SLC16A4: variants seen among roughly 807,000 people sequenced by gnomAD.
The protein encoded by SLC16A4 is probable monocarboxylate transporter 5.
SLC16A4 carries 39 observed loss-of-function variants against 47.9 expected under a neutral mutation model. The ratio of observed to expected loss-of-function variants is 0.81; its 90% CI spans 0.63 to 1.06. SLC16A4 has a LOEUF of 1.06. Among genes scored for constraint, SLC16A4 ranks in the 50% least tolerant of loss-of-function variants. SLC16A4 has a pLI of 0.00. For synonymous variants in SLC16A4, 189 were observed against 199.9 expected (o/e 0.95, Z 0.46); for missense variants, 524 against 573.8 (o/e 0.91, Z 0.89).
At chr1:110,364,461 G>C (rs569229553) in intron 8 of SLC16A4, among the ~76,000 whole-genome samples, 3 of 151,142 alleles carry the variant, frequency 2.0e-5, no homozygotes, top group African/African-American at 7.3e-5. Flanking sequence ...TGATCACGTG[G>C]GTTAAACAAT....
chr1:110,375,601 A>G (rs1345734621), intron 7 of SLC16A4, 50 bp from the exon 8 acceptor site: 3 of 999,514 alleles, frequency 3.0e-6, no homozygotes, highest in Non-Finnish European at 3.2e-6. Context: ...GAAATTCTAT[A>G]GAGACCTATG....
intron 8 of SLC16A4, among the ~76,000 whole-genome samples, chr1:110,373,253 A>G (rs1025278147): frequency 5.3e-5 from 8 of 152,170 alleles, no homozygotes; most frequent in African/African-American, 4.8e-5. Context: ...AAGATATTCT[A>G]TGCCCTTGTA....
In SLC16A4 at chr1:110,378,899, T is replaced by TA; in HGVS notation, c.983_984insT (p.Leu329ThrfsTer4). The TA allele has an allele frequency of 6.2e-7, 1 of 1,614,092 alleles. No homozygotes were observed. Among genetic ancestry groups the TA allele is most frequent in the African/African-American group, 1.3e-5 (1 of 75,034 alleles). On this transcript the variant is annotated frameshift_variant, in exon 6 of 9. Coordinates refer to ENST00000369779, the MANE Select transcript of SLC16A4 (RefSeq NM_004696.3). LOFTEE classifies it high-confidence loss of function. ...AGGCATCCATGATGTCAATCCCCAG[T>TA]GTTTTGGCTCTGGCTACCAGGTGAA... is the stretch of plus-strand genomic sequence containing the variant.
chr1:110,363,108 TTTAAA>T lies in SLC16A4; in HGVS notation c.*653_*657del, dbSNP rs1661166631. On this transcript the variant is annotated 3_prime_UTR_variant, in exon 9 of 9. Transcript: ENST00000369779. The stretch of plus-strand genomic sequence containing the variant: ...AATCAATGGCTATGTTTCACACTTC[TTTAAA>T]TTAAAAAATTTTCTATCTTTACATA... 1 of 152,254 alleles carries T rather than the reference TTTAAA, an allele frequency of 6.6e-6. No individual in the cohort carries two copies. The highest frequency in any genetic ancestry group is 2.4e-5 in the African/African-American group (1 of 41,466). 9.4% of individuals were successfully genotyped at this position (152,254 alleles called of 1,614,324 possible). A position where few individuals can be genotyped will look rare whatever the true frequency, so the allele number is the denominator to read the frequency against.
rs774262892 is a variant in SLC16A4 at position 110,377,081 on chromosome 1, ACT to A, written c.1109_1110del (p.Lys370IlefsTer10). The A allele has an allele frequency of 2.5e-6, 4 of 1,614,022 alleles. No individual in the cohort carries two copies. In the African/African-American group the frequency reaches 5.3e-5, roughly 22 times the overall value. On this transcript the variant is annotated frameshift_variant, in exon 7 of 9. Transcript: ENST00000369779. LOFTEE classifies it high-confidence loss of function. ...QNWIKKYHYH[K>X]SYLILCGITN... ...GTGATGCCGCAGAGGATGAGGTAAG[ACT>A]TGTGGTAATGATACTTCTTAATCCA...
intron 6 of SLC16A4, 47 bp downstream of exon 6, chr1:110,378,806 A>C (rs768448917): frequency 6.5e-7 from 1 of 1,532,094 alleles, no homozygotes; most frequent in South Asian, 1.3e-5. Context: ...TTGTAAAATT[A>C]AGTTGATCTT....
Position 110,363,580 on chromosome 1 carries a change from T to C in SLC16A4, c.*186A>G, listed in dbSNP as rs1159440877. ...GGCGGAGATTACAGTGAGCCGAGAT[T>C]GCGCCACTGCACTCCAGCCTGGGCG... On this transcript the variant is annotated 3_prime_UTR_variant, in exon 9 of 9. Transcript: ENST00000369779. 3 of 405,488 alleles carry C rather than the reference T, an allele frequency of 7.4e-6. No homozygotes were observed. The highest frequency in any genetic ancestry group is 4.3e-5 in the African/African-American group (2 of 46,424). The allele number at this position is 405,488 out of a possible 1,614,324, so 25.1% of individuals were successfully genotyped here. A position where few individuals can be genotyped will look rare whatever the true frequency, so the allele number is the denominator to read the frequency against.
At position 110,375,492 on chromosome 1, in the gene SLC16A4, A is replaced by G. The variant is rs894731634; in HGVS notation, c.1302T>C (p.Ala434=). The G allele has an allele frequency of 9.3e-6, 15 of 1,613,174 alleles. No individual in the cohort carries two copies. In the East Asian group the frequency reaches 3.1e-4, roughly 34 times the overall value. ...NRFLGLASFF[A]GMAVLSGPPI... is the part of the protein sequence containing the mutation. Reference sequence around the variant, plus strand: ...GTGGTCCAGAAAGGACAGCCATCCCAGCAAAGAAACTGGCAAGTCCCAAAA... The same window carrying G: ...GTGGTCCAGAAAGGACAGCCATCCCGGCAAAGAAACTGGCAAGTCCCAAAA... The change falls in exon 8 of 9, where the codon GCT becomes GCC. Residue 434 remains alanine, a synonymous_variant. Coordinates refer to ENST00000369779, the MANE Select transcript of SLC16A4 (RefSeq NM_004696.3).
At chr1:110,373,528 G>A (rs1236683739) in intron 8 of SLC16A4, among the ~76,000 whole-genome samples, 4 of 152,106 alleles carry the variant, frequency 2.6e-5, no homozygotes, top group African/African-American at 4.8e-5. Flanking sequence ...GGTATGAAAC[G>A]TAGGCTAAGT....
chr1:110,383,769 T>TG (rs1491204270), intron 2 of SLC16A4, among the ~76,000 whole-genome samples: 187 of 30,278 alleles, frequency 6.2e-3, no homozygotes, highest in African/African-American at 0.03. Flanking sequence ...GAAGGAAGTG[T>TG]TTTTTTTTTT....
chr1:110,383,827 T>TG (rs1662582909), intron 2 of SLC16A4, among the ~76,000 whole-genome samples: 1 of 137,196 alleles, frequency 7.3e-6, no homozygotes, highest in African/African-American at 2.9e-5. Flanking sequence ...TTTTTTTTTT[T>TG]TTTTTGGAAA....
intron 8 of SLC16A4, chr1:110,370,131 C>T (rs144191320): frequency 1.8e-4 from 27 of 152,230 alleles, no homozygotes; most frequent in Middle Eastern, 3.4e-3. Flanking sequence ...ATTTTTGATG[C>T]TTTGTAGGTA....
chr1:110,367,783 A>T (rs1478269429), intron 8 of SLC16A4, among the ~76,000 whole-genome samples: 1 of 152,110 alleles, frequency 6.6e-6, no homozygotes, highest in Non-Finnish European at 1.5e-5. Flanking sequence ...AGGATGAAAA[A>T]TCTGTTCAGA....
intron 2 of SLC16A4, 36 bp from the exon 3 acceptor site, chr1:110,383,002 T>C: frequency 6.5e-7 from 1 of 1,549,452 alleles, no homozygotes; most frequent in Non-Finnish European, 8.8e-7. Context: ...ACTCAGGTGG[T>C]AAGTGAGCCA....
At chr1:110,366,492 CACATA>C (rs1036428748) in intron 8 of SLC16A4, among the ~76,000 whole-genome samples, 2 of 152,122 alleles carry the variant, frequency 1.3e-5, no homozygotes, top group Non-Finnish European at 2.9e-5. Flanking sequence ...AGTCATGTGG[CACATA>C]ACAGGACAAA....
chr1:110,377,106 C>G lies in SLC16A4; in HGVS notation c.1086G>C (p.Trp362Cys). 1 of 1,614,112 alleles carries G rather than the reference C, an allele frequency of 6.2e-7. No individual in the cohort carries two copies. Among genetic ancestry groups the G allele is most frequent in the Non-Finnish European group, 8.5e-7 (1 of 1,180,012 alleles). Residue 362 changes from tryptophan to cysteine, a missense_variant, in exon 7 of 9, where the codon TGG becomes TGC. Coordinates refer to ENST00000369779, the MANE Select transcript of SLC16A4 (RefSeq NM_004696.3). ...IISGWVADQN[W>C]IKKYHYHKSY... ...ACTTGTGGTAATGATACTTCTTAAT[C>G]CAGTTTTGATCAGCAACCCATCCAG...
At chr1:110,387,262 A>C (rs1662780959) in intron 2 of SLC16A4, among the ~76,000 whole-genome samples, 1 of 151,896 alleles carries the variant, frequency 6.6e-6, no homozygotes, top group Non-Finnish European at 1.5e-5. Context: ...CCCCCATGGA[A>C]CATTCAGTCT....
chr1:110,363,744 CTTGAT>C lies in SLC16A4; in HGVS notation c.*17_*21del, dbSNP rs767898339. 4 of 1,585,130 alleles carry C rather than the reference CTTGAT, an allele frequency of 2.5e-6. No individual in the cohort carries two copies. The highest frequency in any genetic ancestry group is 2.6e-6 in the Non-Finnish European group (3 of 1,170,208). ...TAGGTTTTCTTTTGTTTAGCTCTCA[CTTGAT>C]TGCAGTCTTCTTTCTTTCAGGTCAG... On this transcript the variant is annotated 3_prime_UTR_variant, in exon 9 of 9. Transcript: ENST00000369779.
chr1:110,383,232 C>T (rs186408377), intron 2 of SLC16A4, among the ~76,000 whole-genome samples: 1 of 152,248 alleles, frequency 6.6e-6, no homozygotes, highest in East Asian at 1.9e-4. Flanking sequence ...ATAATTTATA[C>T]CAAATAAACC....
Sources: gnomAD v4.1 joint callset for allele counts (sites outside exome capture counted in the v4.1 genomes callset) on GRCh38, gnomAD v4.1.1 for gene constraint, MANE v1.5 for transcripts, NCBI Gene and HGNC (gene_info 2026-07-23, HGNC 2026-07-21) for gene names.